PDE3A: variants seen among roughly 807,000 people sequenced by gnomAD.
PDE3A encodes phosphodiesterase 3A.
Under a neutral mutation model 98.3 loss-of-function variants are expected in PDE3A, and 43 were observed. The observed-to-expected ratio is 0.44, with a 90% confidence interval of 0.34 to 0.56. PDE3A has a LOEUF of 0.56. Among genes scored for constraint, PDE3A ranks in the 20% least tolerant of loss-of-function variants. The pLI, the probability that PDE3A is intolerant of heterozygous loss-of-function variation, is 0.01. For missense variants in PDE3A, 1,427 were observed against 1,440.7 expected, an observed-to-expected ratio of 0.99 and a Z score of 0.15; for synonymous variants, 663 against 567.9, an observed-to-expected ratio of 1.17 and a Z score of -2.38.
chr12:20,394,441 CT>C (rs1330233674), intron 1 of PDE3A, among the ~76,000 whole-genome samples: 20 of 151,872 alleles, frequency 1.3e-4, no homozygotes, highest in African/African-American at 4.4e-4. Flanking sequence ...AATAAGAAAC[CT>C]CTTTGTGGCA....
chr12:20,451,892 C>T (rs1335368792), intron 1 of PDE3A, among the ~76,000 whole-genome samples: 7 of 152,134 alleles, frequency 4.6e-5, no homozygotes, highest in Non-Finnish European at 1.5e-5. Flanking sequence ...TTCATCCTTT[C>T]ATCTTGTGTG....
At chr12:20,627,576 T>C (rs1289683432) in intron 5 of PDE3A, among the ~76,000 whole-genome samples, 1 of 148,724 alleles carries the variant, frequency 6.7e-6, no homozygotes. Context: ...CCCCCACCCT[T>C]TCCCAGCCAG....
intron 1 of PDE3A, among the ~76,000 whole-genome samples, chr12:20,421,813 A>G (rs1366465328): frequency 6.6e-6 from 1 of 152,144 alleles, no homozygotes; most frequent in Admixed American, 6.5e-5. Flanking sequence ...TGCTAAAAAC[A>G]TAGATTGGTA....
At chr12:20,402,713 A>T (rs1371178652) in intron 1 of PDE3A, among the ~76,000 whole-genome samples, 2 of 152,320 alleles carry the variant, frequency 1.3e-5, no homozygotes, top group Middle Eastern at 3.4e-3. Flanking sequence ...TAAAATATAA[A>T]TTCAGTGTTT....
chr12:20,598,731 CAGAGT>C (rs142460344), intron 2 of PDE3A, among the ~76,000 whole-genome samples: 51 of 152,288 alleles, frequency 3.3e-4, no homozygotes, highest in Non-Finnish European at 5.7e-4. Flanking sequence ...ATACTGTAGA[CAGAGT>C]AAAGAAGACT....
At chr12:20,555,115 C>T (rs1340749924) in intron 1 of PDE3A, among the ~76,000 whole-genome samples, 1 of 151,230 alleles carries the variant, frequency 6.6e-6, no homozygotes, top group Non-Finnish European at 1.5e-5. Context: ...CCTCTGCCTC[C>T]CAGGTTCAAG....
At chr12:20,678,204 T>C (rs564464724) in intron 15 of PDE3A, among the ~76,000 whole-genome samples, 3 of 152,324 alleles carry the variant, frequency 2.0e-5, no homozygotes, top group South Asian at 4.1e-4. Flanking sequence ...CTGGATTCAT[T>C]CACTTAATCT....
intron 1 of PDE3A, among the ~76,000 whole-genome samples, chr12:20,477,261 A>T (rs1049902361): frequency 2.0e-5 from 3 of 152,206 alleles, no homozygotes; most frequent in Non-Finnish European, 4.4e-5. Flanking sequence ...TTGCCTGTGA[A>T]ATCTGGCGCT....
chr12:20,587,244 C>A (rs1302446315), intron 2 of PDE3A, among the ~76,000 whole-genome samples: 1 of 152,102 alleles, frequency 6.6e-6, no homozygotes, highest in African/African-American at 2.4e-5. Flanking sequence ...GGTTGCGTGC[C>A]TGTAATCCCA....
At chr12:20,431,176 GTTGA>G (rs1223810643) in intron 1 of PDE3A, among the ~76,000 whole-genome samples, 1 of 152,056 alleles carries the variant, frequency 6.6e-6, no homozygotes, top group Non-Finnish European at 1.5e-5. Context: ...TCTGAAACAG[GTTGA>G]TTATCTATTT....
intron 1 of PDE3A, among the ~76,000 whole-genome samples, chr12:20,424,023 G>A (rs997311511): frequency 2.0e-5 from 3 of 152,156 alleles, no homozygotes; most frequent in Non-Finnish European, 4.4e-5. Flanking sequence ...GTTCGGTGAA[G>A]TGGAATTTGG....
intron 1 of PDE3A, among the ~76,000 whole-genome samples, chr12:20,421,755 T>A (rs536093405): frequency 3.9e-5 from 6 of 152,256 alleles, no homozygotes; most frequent in Admixed American, 3.9e-4. Flanking sequence ...GTATTCAGGT[T>A]TCATGTCTGT....
chr12:20,370,409 GTTT>G (rs372135967), intron 1 of PDE3A, 165 bp downstream of exon 1: 7 of 297,764 alleles, frequency 2.4e-5, no homozygotes, highest in Admixed American at 5.3e-5. Flanking sequence ...TGTTTTTTTT[GTTT>G]TTTTTTTTTT....
intron 2 of PDE3A, among the ~76,000 whole-genome samples, chr12:20,588,785 A>G (rs182406970): frequency 6.6e-6 from 1 of 152,254 alleles, no homozygotes; most frequent in East Asian, 1.9e-4. Context: ...TCAGAAGCTG[A>G]CCCTGGGGAC....
At chr12:20,678,791 T>C (rs970998899) in intron 15 of PDE3A, among the ~76,000 whole-genome samples, 1 of 152,182 alleles carries the variant, frequency 6.6e-6, no homozygotes, top group Non-Finnish European at 1.5e-5. Flanking sequence ...CAGGCCCGAC[T>C]TGGGCCACAC....
intron 1 of PDE3A, among the ~76,000 whole-genome samples, chr12:20,485,934 A>G (rs549288363): frequency 2.6e-5 from 4 of 152,324 alleles, no homozygotes; most frequent in Admixed American, 6.5e-5. Context: ...CTGACCAACA[A>G]GACTAAGGAC....
intron 2 of PDE3A, among the ~76,000 whole-genome samples, chr12:20,572,354 G>A (rs1270385257): frequency 2.0e-5 from 3 of 151,924 alleles, no homozygotes; most frequent in East Asian, 3.9e-4. Context: ...AATATGACCT[G>A]GGACCAAAAA....
chr12:20,572,060 T>C lies in PDE3A; in HGVS notation c.1011+15350T>C. On this transcript the variant is annotated intron_variant, in intron 2 of 15. Coordinates refer to ENST00000359062, the MANE Select transcript of PDE3A (RefSeq NM_000921.5). ...GCAATCAGTATTCATGAAAGCATGT[T>C]TTTAAAAAAATGAGAATCAGTCTAA... The C allele has an allele frequency of 4.2e-6, 5 of 1,196,850 alleles. No homozygotes were observed. In the South Asian group the frequency reaches 7.7e-5, roughly 19 times the overall value. 74.1% of individuals were successfully genotyped at this position (1,196,850 alleles called of 1,614,324 possible).
intron 1 of PDE3A, among the ~76,000 whole-genome samples, chr12:20,544,952 A>G (rs771609009): frequency 3.3e-5 from 5 of 152,034 alleles, no homozygotes; most frequent in Non-Finnish European, 5.9e-5. Flanking sequence ...AAGCTTTAAC[A>G]TGCTAACAGG....
Sources: allele counts gnomAD v4.1 joint callset (sites outside exome capture counted in the v4.1 genomes callset), GRCh38; gene constraint gnomAD v4.1.1; transcripts MANE v1.5; gene names NCBI Gene and HGNC (gene_info 2026-07-23, HGNC 2026-07-21).